The following MELTF variants were observed in gnomAD, a reference collection of about 807,000 sequenced individuals.
The protein encoded by MELTF is antigen p97 (melanoma associated) identified by monoclonal antibodies 133.2 and 96.5.
In MELTF, 67 loss-of-function variants were observed where a neutral mutation model predicts 83.7. The observed-to-expected ratio is 0.80, with a 90% CI of 0.66 to 0.98. The LOEUF is 0.98. MELTF is among the 50% of genes least tolerant of loss of function. MELTF has a pLI of 0.00. For missense variants in MELTF, 1,002 were observed against 1,035.6 expected (o/e 0.97, Z 0.44); for synonymous variants, 462 against 447.6 (o/e 1.03, Z -0.41).
chr3:197,004,011 G>C lies in MELTF; in HGVS notation c.2027C>G (p.Ala676Gly). 1 of 1,614,202 alleles carries C rather than the reference G, an allele frequency of 6.2e-7. No homozygotes were observed. Among genetic ancestry groups the C allele is most frequent in the Non-Finnish European group, 8.5e-7 (1 of 1,180,018 alleles). ...YHGQDLLFKD[A>G]TVRAVPVGEK... is the part of the protein sequence containing the mutation. ...TCCGACAGGCACCGCCCGGACGGTG[G>C]CATCCTTGAAAAGCAGGTCTTGGCC... The change falls in exon 15 of 16, where the codon GCC becomes GGC. Residue 676 changes from alanine (A) to glycine (G), a missense_variant. Physicochemically the swap from Ala to Gly is moderately conservative, Grantham distance 60. Coordinates refer to ENST00000296350, the MANE Select transcript of MELTF (RefSeq NM_005929.6).
intron 9 of MELTF, among the ~76,000 whole-genome samples, chr3:197,014,383 G>GTTTTTTTTTTTTT (rs71623319): frequency 2.0e-5 from 2 of 101,058 alleles, no homozygotes; most frequent in Admixed American, 1.1e-4. Context: ...AATAGGGAGA[G>GTTTTTTTTTTTTT]TTTTTTTTTT....
In MELTF at chr3:197,002,390, T is replaced by G. The variant is rs902073399; in HGVS notation, c.*982A>C. 4 of 151,818 alleles carry G rather than the reference T, an allele frequency of 2.6e-5. No homozygotes were observed. The highest frequency in any genetic ancestry group is 5.9e-5 in the Non-Finnish European group (4 of 67,966). 9.4% of individuals were successfully genotyped at this position (151,818 alleles called of 1,614,324 possible). The stretch of plus-strand genomic sequence containing the variant: ...CTCAGACAACTGTGGCAAGATGGAG[T>G]AGAGAGAGGCCCCGGCCGGGCGCTT... On this transcript the variant is annotated 3_prime_UTR_variant, in exon 16 of 16. Coordinates refer to ENST00000296350, the MANE Select transcript of MELTF (RefSeq NM_005929.6).
At chr3:197,027,647 CGGGCCT>C (rs1449146285) in intron 2 of MELTF, 103 bp downstream of exon 2, 11 of 1,344,786 alleles carry the variant, frequency 8.2e-6, no homozygotes, top group Non-Finnish European at 2.0e-6. Context: ...TCCTATCGGC[CGGGCCT>C]GGCAGGGCGA....
chr3:197,009,581 G>A, intron 11 of MELTF, 37 bp downstream of exon 11: 2 of 1,580,228 alleles, frequency 1.3e-6, no homozygotes, highest in Non-Finnish European at 1.7e-6. Context: ...CCCAGAGAAG[G>A]CTTCCCCAGT....
At chr3:197,026,473 C>T (rs1442530854) in intron 3 of MELTF, 187 bp downstream of exon 3, 1 of 599,708 alleles carries the variant, frequency 1.7e-6, no homozygotes, top group East Asian at 2.8e-5. Context: ...TGGGGCAGCT[C>T]TCTGTGTCCC....
Position 197,007,041 on chromosome 3 carries a change from T to C in MELTF, c.1751-305A>G, listed in dbSNP as rs1377177972. On this transcript the variant is annotated intron_variant, in intron 13 of 15. Transcript: ENST00000296350. The surrounding 1 kb of genome is among the most constrained non-coding windows in gnomAD (Gnocchi z 4.3). ...CAGTAACGCAGGGTAGGTGTTTTTG[T>C]CCCCATTTTACAGGTGAGGAAACTG... is the stretch of plus-strand genomic sequence containing the variant. Among the ~76,000 whole-genome samples, 2 of 152,110 alleles carry C rather than the reference T, an allele frequency of 1.3e-5. No individual in the cohort carries two copies. The highest frequency in any genetic ancestry group is 4.2e-4 in the South Asian group (2 of 4,812).
In MELTF at chr3:197,003,517, T is replaced by C. The variant is rs1417192107; in HGVS notation, c.2138-66A>G. ...CGCGGTGGCCGCCTCAGGCGCCCGC[T>C]CTGGGGTGGGGGTGGGGGCATCTTT... On this transcript the variant is annotated intron_variant, in intron 15 of 15. Transcript: ENST00000296350. This position sits in a 1 kb window ranked among gnomAD's most constrained non-coding sequence, Gnocchi z 6.2. 1.2e-5 allele frequency: 2 copies of C among 166,854 alleles called. No individual in the cohort carries two copies. The highest frequency in any genetic ancestry group is 3.6e-5 in the African/African-American group (1 of 27,776). 10.3% of individuals were successfully genotyped at this position (166,854 alleles called of 1,614,324 possible).
At position 197,024,212 on chromosome 3, in the gene MELTF, C is replaced by T. The variant is rs1368255946; in HGVS notation, c.487+91G>A. The T allele has an allele frequency of 5.6e-5, 77 of 1,370,266 alleles. 1 individual carries two copies. The highest frequency in any genetic ancestry group is 1.4e-4 in the Admixed American group (6 of 44,246). 84.9% of individuals were successfully genotyped at this position (1,370,266 alleles called of 1,614,324 possible). A position where few individuals can be genotyped will look rare whatever the true frequency, so the allele number is the denominator to read the frequency against. On this transcript the variant is annotated intron_variant, in intron 4 of 15. Coordinates refer to ENST00000296350, the MANE Select transcript of MELTF (RefSeq NM_005929.6). The surrounding 1 kb of genome is among the most constrained non-coding windows in gnomAD (Gnocchi z 5.3). Reference sequence around the variant, plus strand: ...CAGGAATGAAGAATGGTGGCGAGGCCGGAGGGAGGCTACCCAGTGAAGGGA... The same window carrying T: ...CAGGAATGAAGAATGGTGGCGAGGCTGGAGGGAGGCTACCCAGTGAAGGGA...
chr3:197,020,858 A>G (rs1719595830), intron 6 of MELTF, among the ~76,000 whole-genome samples: 1 of 152,134 alleles, frequency 6.6e-6, no homozygotes, highest in Admixed American at 6.5e-5. Flanking sequence ...TAGCAGAGAT[A>G]GGATTTCACC....
chr3:197,024,583 A>C lies in MELTF; in HGVS notation c.305-98T>G, dbSNP rs1279202418. ...GGCGGGCTGTGGGAGAGGTGTGTGC[A>C]CGGAGCACGGCTGTACACACGGATG... is the stretch of plus-strand genomic sequence containing the variant. On this transcript the variant is annotated intron_variant, in intron 3 of 15. Coordinates refer to ENST00000296350, the MANE Select transcript of MELTF (RefSeq NM_005929.6). The surrounding 1 kb of genome is among the most constrained non-coding windows in gnomAD (Gnocchi z 5.3). 2.7e-6 allele frequency: 3 copies of C among 1,098,294 alleles called. No homozygotes were observed. The highest frequency in any genetic ancestry group is 3.9e-6 in the Non-Finnish European group (3 of 766,362). The allele number at this position is 1,098,294 out of a possible 1,614,324, so 68.0% of individuals were successfully genotyped here.
intron 10 of MELTF, 46 bp from the exon 11 acceptor site, chr3:197,009,858 CG>C: frequency 6.4e-7 from 1 of 1,551,608 alleles, no homozygotes; most frequent in South Asian, 1.1e-5. Flanking sequence ...TCTGAGAGCC[CG>C]GGCAAGTGCC....
rs1215793596 is a variant in MELTF, at chr3:197,006,240, G to A, written c.1938+309C>T. On this transcript the variant is annotated intron_variant, in intron 14 of 15. Transcript: ENST00000296350. This position sits in a 1 kb window ranked among gnomAD's most constrained non-coding sequence, Gnocchi z 5.4. ...CCGTCTCAAAAAAAAAAGAAAAAAA[G>A]GGAGCAGGATTACAGCTGCAAGAGG... Among the ~76,000 whole-genome samples the A allele has an allele frequency of 1.3e-5, 2 of 151,984 alleles. No homozygotes were observed. The highest frequency in any genetic ancestry group is 4.8e-5 in the African/African-American group (2 of 41,376).
At chr3:197,023,995 A>G in intron 4 of MELTF, 1 of 601,068 alleles carries the variant, frequency 1.7e-6, no homozygotes, top group Non-Finnish European at 3.1e-6. Flanking sequence ...ACTGGTGGGA[A>G]GCACTCCTGG....
In MELTF at chr3:197,014,383, G is replaced by GTTTTTTTTTTT. The variant is rs71623319; in HGVS notation, c.1233+971_1233+981dup. ...GTAGGGGAAGGGAGGAATAGGGAGA[G>GTTTTTTTTTTT]TTTTTTTTTTTTTTTTTTTTTTTGA... is the stretch of plus-strand genomic sequence containing the variant. On this transcript the variant is annotated intron_variant, in intron 9 of 15. Transcript: ENST00000296350. 1.4e-4 allele frequency among the ~76,000 whole-genome samples: 14 copies of GTTTTTTTTTTT among 101,050 alleles called. 1 individual carries two copies. The highest frequency in any genetic ancestry group is 4.6e-4 in the African/African-American group (11 of 24,120). The allele number at this position is 101,050 out of a possible 152,430, so 66.3% of individuals were successfully genotyped here. A position where few individuals can be genotyped will look rare whatever the true frequency, so the allele number is the denominator to read the frequency against.
chr3:197,009,558 G>C, intron 11 of MELTF, 60 bp downstream of exon 11: 1 of 1,519,972 alleles, frequency 6.6e-7, no homozygotes, highest in Non-Finnish European at 9.0e-7. Context: ...CAGGCTGCGG[G>C]TCCCTAGCTA....
chr3:197,026,810 A>G, intron 2 of MELTF, 51 bp from the exon 3 acceptor site: 3 of 1,559,062 alleles, frequency 1.9e-6, no homozygotes, highest in Non-Finnish European at 2.6e-6. Context: ...CCTGCTCAGC[A>G]AAGAACTCGG....
intron 6 of MELTF, 77 bp downstream of exon 6, chr3:197,021,327 G>T (rs1719613713): frequency 1.4e-6 from 2 of 1,420,284 alleles, no homozygotes; most frequent in Non-Finnish European, 2.0e-6. Flanking sequence ...TCCCAACTCT[G>T]CCATCTAGGG....
chr3:197,008,584 G>A lies in MELTF; in HGVS notation c.1750+73C>T. 6.7e-7 allele frequency: 1 copy of A among 1,503,222 alleles called. No homozygotes were observed. The highest frequency in any genetic ancestry group is 9.1e-7 in the Non-Finnish European group (1 of 1,096,198). 93.1% of individuals were successfully genotyped at this position (1,503,222 alleles called of 1,614,324 possible). On this transcript the variant is annotated intron_variant, in intron 13 of 15. Transcript: ENST00000296350. The surrounding 1 kb of genome is among the most constrained non-coding windows in gnomAD (Gnocchi z 5.4). ...TGCTGCTTGGCCCCAGCCCAGCATG[G>A]TGTCTGGATGGTGCTGAAGATGGGG...
intron 10 of MELTF, among the ~76,000 whole-genome samples, chr3:197,010,331 T>C (rs1177101703): frequency 6.6e-6 from 1 of 152,248 alleles, no homozygotes; most frequent in Non-Finnish European, 1.5e-5. Context: ...CAGAAGAGGC[T>C]GAGGAGGCCC....
Sources: gnomAD v4.1 joint callset for allele counts (sites outside exome capture counted in the v4.1 genomes callset) on GRCh38, gnomAD v4.1.1 for gene constraint, Gnocchi (gnomAD v3.1) non-coding constraint, MANE v1.5 for transcripts, NCBI Gene and HGNC (gene_info 2026-07-23, HGNC 2026-07-21) for gene names.